KLHL6: variants seen among roughly 807,000 people sequenced by gnomAD.
KLHL6 encodes the protein kelch like family member 6.
KLHL6 carries 41 observed loss-of-function variants against 58.6 expected under a neutral mutation model. That is an observed-to-expected ratio of 0.70 (90% CI 0.55 to 0.91). KLHL6 has a LOEUF of 0.91. Among genes scored for constraint, KLHL6 ranks in the 40% least tolerant of loss-of-function variants. The probability of loss-of-function intolerance (pLI) is 0.00; values close to 1 mark genes in which losing one functional copy is unlikely to be tolerated. For missense variants in KLHL6, 714 were observed against 805.6 expected, an observed-to-expected ratio of 0.89 and a Z score of 1.38; for synonymous variants, 338 against 322.7, an observed-to-expected ratio of 1.05 and a Z score of -0.51.
At chr3:183,546,974 T>C (rs1446597232) in intron 1 of KLHL6, among the ~76,000 whole-genome samples, 1 of 150,190 alleles carries the variant, frequency 6.7e-6, no homozygotes, top group Admixed American at 6.7e-5. Context: ...TGCAGTGGCA[T>C]GATCGCAGCT....
intron 1 of KLHL6, among the ~76,000 whole-genome samples, chr3:183,549,340 A>G (rs899511206): frequency 1.3e-5 from 2 of 152,232 alleles, no homozygotes; most frequent in Non-Finnish European, 2.9e-5. Context: ...GTCAGGCCCT[A>G]TATTTTCCAC....
chr3:183,539,655 G>T lies in KLHL6; in HGVS notation c.294-11645C>A, dbSNP rs551623936. ...ACCCGGGAGGCAGAGGTTGCAGTGA[G>T]ACAAGGTCGCACTACTGCACTCCAG... On this transcript the variant is annotated intron_variant, in intron 1 of 6. Coordinates refer to ENST00000341319, the MANE Select transcript of KLHL6 (RefSeq NM_130446.4). 1.0e-4 allele frequency among the ~76,000 whole-genome samples: 15 copies of T among 150,602 alleles called. 1 individual carries two copies. Among genetic ancestry groups the T allele is most frequent in the Middle Eastern group, 3.4e-3 (1 of 292 alleles).
intron 1 of KLHL6, among the ~76,000 whole-genome samples, chr3:183,543,932 G>C (rs934876642): frequency 1.3e-5 from 2 of 152,216 alleles, no homozygotes; most frequent in Admixed American, 1.3e-4. Flanking sequence ...GGGAGGCCGA[G>C]GCAGGCGGAT....
chr3:183,511,972 T>C (rs1718200911), intron 2 of KLHL6, among the ~76,000 whole-genome samples: 1 of 152,206 alleles, frequency 6.6e-6, no homozygotes, highest in African/African-American at 2.4e-5. Flanking sequence ...CAGAACCCCA[T>C]GTCTGCTGGT....
At position 183,518,124 on chromosome 3, in the gene KLHL6, G is replaced by A. The variant is rs369567359; in HGVS notation, c.460-9616C>T. ...TGGGCTCTACTTGGTTTGCCCAATG[G>A]CCTGGAGGCTCATTGAGAATCTTTC... On this transcript the variant is annotated intron_variant, in intron 2 of 6. Coordinates refer to ENST00000341319, the MANE Select transcript of KLHL6 (RefSeq NM_130446.4). Among the ~76,000 whole-genome samples the A allele has an allele frequency of 6.6e-5, 10 of 152,272 alleles. No individual in the cohort carries two copies. In the East Asian group the frequency reaches 1.7e-3, roughly 26 times the overall value.
intron 1 of KLHL6, among the ~76,000 whole-genome samples, chr3:183,542,817 A>C (rs1380176527): frequency 2.6e-5 from 4 of 152,170 alleles, no homozygotes; most frequent in Non-Finnish European, 5.9e-5. Context: ...CCTGCCACAG[A>C]GTAGGCACTT....
Position 183,514,942 on chromosome 3 carries a change from T to C in KLHL6, c.460-6434A>G, listed in dbSNP as rs141289578. Reference sequence around the variant, plus strand: ...ACCTCGGCCTCCCAAAGTGCTGGGATTACAGGCATGAGCCACCATGCCCGG... The same window carrying C: ...ACCTCGGCCTCCCAAAGTGCTGGGACTACAGGCATGAGCCACCATGCCCGG... On this transcript the variant is annotated intron_variant, in intron 2 of 6. Coordinates refer to ENST00000341319, the MANE Select transcript of KLHL6 (RefSeq NM_130446.4). Among the ~76,000 whole-genome samples the C allele has an allele frequency of 5.4e-3, 824 of 152,310 alleles. 6 individuals carry two copies. The highest frequency in any genetic ancestry group is 0.019 in the African/African-American group (784 of 41,562).
chr3:183,498,785 G>C (rs979237268), intron 4 of KLHL6, among the ~76,000 whole-genome samples: 9 of 152,188 alleles, frequency 5.9e-5, no homozygotes, highest in Non-Finnish European at 1.3e-4. Flanking sequence ...GGTCTAATGG[G>C]AAAGGCAGAC....
chr3:183,545,495 T>C (rs149582234), intron 1 of KLHL6, among the ~76,000 whole-genome samples: 1 of 152,342 alleles, frequency 6.6e-6, no homozygotes, highest in East Asian at 1.9e-4. Context: ...GGGAGCTGCA[T>C]GGAAGATTAT....
intron 3 of KLHL6, among the ~76,000 whole-genome samples, chr3:183,502,696 T>G (rs1879781): frequency 6.6e-6 from 1 of 152,130 alleles, no homozygotes; most frequent in East Asian, 1.9e-4. Context: ...AGCTTGAATC[T>G]CATAATGAAC....
chr3:183,490,263 G>A lies in KLHL6; in HGVS notation c.*1664C>T, dbSNP rs1029511188. 7 of 152,316 alleles carry A rather than the reference G, an allele frequency of 4.6e-5. No homozygotes were observed. In the South Asian group the frequency reaches 8.3e-4, roughly 18 times the overall value. 9.4% of individuals were successfully genotyped at this position (152,316 alleles called of 1,614,324 possible). A position where few individuals can be genotyped will look rare whatever the true frequency, so the allele number is the denominator to read the frequency against. On this transcript the variant is annotated 3_prime_UTR_variant, in exon 7 of 7. Transcript: ENST00000341319. ...TTCAGGAGGATGGGGTATCAGGAAC[G>A]TGGACCTAAATCACTGTGTAAAAAC...
intron 1 of KLHL6, among the ~76,000 whole-genome samples, chr3:183,533,038 C>T (rs1025703759): frequency 6.6e-6 from 1 of 152,160 alleles, no homozygotes; most frequent in Non-Finnish European, 1.5e-5. Context: ...AAACATTAGT[C>T]ACTGGACTTT....
intron 2 of KLHL6, among the ~76,000 whole-genome samples, chr3:183,519,216 C>T (rs1488912897): frequency 6.6e-6 from 1 of 152,158 alleles, no homozygotes; most frequent in Non-Finnish European, 1.5e-5. Context: ...ACAGATGTAG[C>T]TGAGAGGATT....
chr3:183,500,144 G>C (rs1022890794), intron 3 of KLHL6, among the ~76,000 whole-genome samples: 7 of 152,210 alleles, frequency 4.6e-5, no homozygotes, highest in African/African-American at 1.7e-4. Flanking sequence ...ACTATCAGAT[G>C]CACTTCCTGC....
intron 2 of KLHL6, among the ~76,000 whole-genome samples, chr3:183,524,194 C>A (rs1486943354): frequency 6.6e-6 from 1 of 152,164 alleles, no homozygotes; most frequent in Non-Finnish European, 1.5e-5. Context: ...GCCATTGTCC[C>A]AGGTCCATAG....
intron 1 of KLHL6, among the ~76,000 whole-genome samples, chr3:183,529,955 G>A (rs1035687599): frequency 4.6e-5 from 7 of 152,002 alleles, no homozygotes; most frequent in African/African-American, 1.2e-4. Flanking sequence ...TCTCTTGCAC[G>A]TGCTGCCCCG....
At chr3:183,539,519 C>T (rs1181009777) in intron 1 of KLHL6, among the ~76,000 whole-genome samples, 2 of 152,038 alleles carry the variant, frequency 1.3e-5, no homozygotes, top group Non-Finnish European at 2.9e-5. Context: ...ACCAGCCTGG[C>T]CAACACAGTG....
chr3:183,525,812 T>C (rs1023423696), intron 2 of KLHL6, among the ~76,000 whole-genome samples: 4 of 152,194 alleles, frequency 2.6e-5, no homozygotes, highest in East Asian at 3.9e-4. Flanking sequence ...GAAGTAAAAC[T>C]AGTAAGATGC....
chr3:183,530,217 T>C (rs1012699480), intron 1 of KLHL6, among the ~76,000 whole-genome samples: 2 of 152,128 alleles, frequency 1.3e-5, no homozygotes, highest in African/African-American at 4.8e-5. Flanking sequence ...GCTTTGGAAC[T>C]GAGTCATGAG....
Sources: allele counts gnomAD v4.1 joint callset (sites outside exome capture counted in the v4.1 genomes callset), GRCh38; gene constraint gnomAD v4.1.1; transcripts MANE v1.5; gene names NCBI Gene and HGNC (gene_info 2026-07-23, HGNC 2026-07-21).